Variants in TENM1 observed in about 807,000 individuals in gnomAD.
TENM1 encodes teneurin transmembrane protein 1.
TENM1 carries 35 observed loss-of-function variants against 174.8 expected under a neutral mutation model. The ratio of observed to expected loss-of-function variants is 0.20; its 90% CI spans 0.15 to 0.27. The LOEUF (loss-of-function observed/expected upper bound fraction) is 0.27, where lower values mean the gene tolerates loss of function less well. Among genes scored for constraint, TENM1 ranks in the 10% least tolerant of loss-of-function variants. TENM1 has a pLI of 1.00. For synonymous variants in TENM1, 781 were observed against 798.7 expected (o/e 0.98, Z 0.37); for missense variants, 1,633 against 2,130.1 (o/e 0.77, Z 4.59).
chrX:124,814,079 A>C (rs1051643334), intron 3 of TENM1, among the ~76,000 whole-genome samples: 4 of 111,649 alleles, frequency 3.6e-5, no homozygotes, highest in African/African-American at 1.3e-4. Flanking sequence ...GGGAGACAGC[A>C]TAGTTTACCT....
chrX:124,744,841 G>A (rs186096568), intron 3 of TENM1, among the ~76,000 whole-genome samples: 37 of 111,567 alleles, frequency 3.3e-4, no homozygotes, highest in African/African-American at 1.1e-3. Flanking sequence ...TTATTACACT[G>A]TTATAAATGG....
intron 10 of TENM1, among the ~76,000 whole-genome samples, chrX:124,642,745 T>A (rs1481155127): frequency 1.8e-5 from 2 of 111,856 alleles, no homozygotes; most frequent in African/African-American, 6.5e-5. Flanking sequence ...GTTCTTGTGC[T>A]TGCCTGGGGG....
intron 3 of TENM1, among the ~76,000 whole-genome samples, chrX:124,841,481 AGG>A (rs2056499155): frequency 1.8e-5 from 2 of 111,435 alleles, no homozygotes; most frequent in Admixed American, 1.9e-4. Context: ...CAAGGCGCAG[AGG>A]AGTACCAATC....
chrX:124,384,462 A>G lies in TENM1; in HGVS notation c.6469T>C (p.Phe2157Leu), dbSNP rs755106389. Residue 2157 changes from phenylalanine to leucine, a missense_variant, in exon 30 of 32, where the codon TTC becomes CTC. Phe to Leu is a conservative substitution (Grantham distance 22). Around this residue, in one of 4 missense-constraint regions of TENM1, gnomAD observed 807 missense variants for 1,125.3 expected, o/e 0.72. Coordinates refer to ENST00000422452, the Ensembl canonical transcript of TENM1. The stretch of plus-strand genomic sequence containing the variant: ...TGCCCATCAGCATCGTATTCATAGA[A>G]GTACCTTGTTATATTGGCATCTACT... The G allele has an allele frequency of 1.3e-5, 16 of 1,210,738 alleles. No individual in the cohort carries two copies. In the South Asian group the frequency reaches 2.6e-4, roughly 20 times the overall value.
chrX:124,762,768 A>G (rs1912822058), intron 3 of TENM1, among the ~76,000 whole-genome samples: 1 of 111,638 alleles, frequency 9.0e-6, no homozygotes, highest in Non-Finnish European at 1.9e-5. Flanking sequence ...AAGGAAAATG[A>G]GGCATGGAAA....
intron 3 of TENM1, among the ~76,000 whole-genome samples, chrX:124,746,200 A>G (rs1000750965): frequency 3.6e-5 from 4 of 112,329 alleles, no homozygotes; most frequent in Non-Finnish European, 7.5e-5. Flanking sequence ...ATTTTATAAA[A>G]AAGTTATAGC....
At chrX:124,735,550 T>C (rs2053651154) in intron 4 of TENM1, among the ~76,000 whole-genome samples, 1 of 111,952 alleles carries the variant, frequency 8.9e-6, no homozygotes, top group Admixed American at 9.5e-5. Context: ...CGATTTTTAA[T>C]AGAACTTCCA....
At chrX:125,159,927 T>C in the TENM1 span, among the ~76,000 whole-genome samples, 121 of 111,543 alleles carry the variant, frequency 1.1e-3, no homozygotes, top group Non-Finnish European at 1.4e-3. Context: ...AGGCAGGGCA[T>C]GGTGGCTCAC....
intron 12 of TENM1, 141 bp from the exon 16 acceptor site, chrX:124,563,913 G>A: frequency 2.5e-6 from 1 of 402,211 alleles, no homozygotes; most frequent in Non-Finnish European, 4.2e-6. Flanking sequence ...CTCAAAAGTT[G>A]GGTACATGGG....
At chrX:124,946,841 T>C (rs1279295962) in intron 1 of TENM1, among the ~76,000 whole-genome samples, 2 of 109,077 alleles carry the variant, frequency 1.8e-5, no homozygotes, top group South Asian at 4.0e-4. Context: ...AGTCTGAAGA[T>C]TGACAAACCA....
chrX:124,864,423 G>A (rs975337743), intron 3 of TENM1, among the ~76,000 whole-genome samples: 2 of 111,949 alleles, frequency 1.8e-5, no homozygotes, highest in African/African-American at 3.2e-5. Context: ...ATAGAGTCAA[G>A]CAGAAATTCT....
intron 23 of TENM1, among the ~76,000 whole-genome samples, chrX:124,446,895 C>T (rs937194066): frequency 8.9e-6 from 1 of 112,210 alleles, no homozygotes; most frequent in East Asian, 2.8e-4. Flanking sequence ...ATATATGATG[C>T]TGCCATGTAG....
At chrX:125,161,789 G>A in the TENM1 span, among the ~76,000 whole-genome samples, 6 of 112,246 alleles carry the variant, frequency 5.3e-5, no homozygotes, top group Non-Finnish European at 7.5e-5. Context: ...TTTATTTTAT[G>A]TGAATTGTAT....
chrX:124,543,783 T>C (rs749356358), intron 15 of TENM1, among the ~76,000 whole-genome samples: 23 of 111,206 alleles, frequency 2.1e-4, no homozygotes, highest in Non-Finnish European at 3.0e-4. Context: ...CCCAAGATCT[T>C]CACCATGGGC....
intron 22 of TENM1, among the ~76,000 whole-genome samples, chrX:124,467,693 A>G (rs886569679): frequency 8.9e-6 from 1 of 111,839 alleles, no homozygotes; most frequent in African/African-American, 3.2e-5. Context: ...AACAAAACAA[A>G]TCACTTTCTG....
chrX:124,911,605 G>A (rs868073988), intron 1 of TENM1, among the ~76,000 whole-genome samples: 27 of 111,864 alleles, frequency 2.4e-4, no homozygotes, highest in Middle Eastern at 8.4e-3. Context: ...ACAGAGAAGT[G>A]TGTGTTCAAG....
intron 14 of TENM1, 98 bp from the exon 18 acceptor site, chrX:124,547,188 A>G: frequency 7.8e-6 from 5 of 640,970 alleles, no homozygotes; most frequent in Non-Finnish European, 1.2e-5. Flanking sequence ...AAATATAGCC[A>G]AAGATAATCA....
chrX:124,678,338 A>T (rs1475423605), intron 5 of TENM1, among the ~76,000 whole-genome samples: 6 of 111,399 alleles, frequency 5.4e-5, no homozygotes, highest in Non-Finnish European at 1.1e-4. Context: ...GTATTTATAT[A>T]TATTTACATT....
At chrX:125,072,418 C>T in the TENM1 span, among the ~76,000 whole-genome samples, 2 of 111,577 alleles carry the variant, frequency 1.8e-5, no homozygotes, top group African/African-American at 3.2e-5. Flanking sequence ...TGTAATTTGT[C>T]GGTAATTTAT....
Sources: gnomAD v4.1 joint callset for allele counts (sites outside exome capture counted in the v4.1 genomes callset) on GRCh38, gnomAD v4.1.1 for gene constraint, gnomAD v4.1.1 regional missense constraint, MANE v1.5 for transcripts, NCBI Gene and HGNC (gene_info 2026-07-23, HGNC 2026-07-21) for gene names.